RP1: variants seen among roughly 807,000 people sequenced by gnomAD.
RP1 encodes the protein oxygen-regulated protein 1.
Under a neutral mutation model 14.8 loss-of-function variants are expected in RP1, and 16 were observed. That is an observed-to-expected ratio of 1.08 (90% confidence interval 0.73 to 1.65). RP1 has a LOEUF of 1.65. Ranked by LOEUF, RP1 falls within the 40% of genes most tolerant of loss-of-function variation. RP1 has a pLI of 0.00. For synonymous variants in RP1, 876 were observed against 883.6 expected, an observed-to-expected ratio of 0.99 and a Z score of 0.15; for missense variants, 2,631 against 2,535.0, an observed-to-expected ratio of 1.04 and a Z score of -0.81.
intron 22 of RP1, among the ~76,000 whole-genome samples, chr8:54,762,281 G>A (rs1020593694): frequency 2.6e-5 from 4 of 152,132 alleles, no homozygotes; most frequent in Non-Finnish European, 4.4e-5. Context: ...AAAGACCACC[G>A]AGTGCTTGTC....
chr8:54,800,328 G>A (rs1168396455), intron 24 of RP1, among the ~76,000 whole-genome samples: 1 of 151,924 alleles, frequency 6.6e-6, no homozygotes. Context: ...TTGGGGGGGT[G>A]TGTGTATGGG....
At chr8:54,559,448 G>T (rs1430438329) in intron 1 of RP1, 1 of 152,120 alleles carries the variant, frequency 6.6e-6, no homozygotes, top group African/African-American at 2.4e-5. Flanking sequence ...GTGAAAGGTT[G>T]CTTAATGGTA....
At chr8:54,607,530 C>A (rs181483818) in intron 1 of RP1, among the ~76,000 whole-genome samples, 5 of 152,310 alleles carry the variant, frequency 3.3e-5, no homozygotes, top group African/African-American at 1.2e-4. Flanking sequence ...TTTCTCAGAT[C>A]TCCAGTTGCA....
At chr8:54,633,219 A>C (rs530841389), downstream of RP1, among the ~76,000 whole-genome samples, 1 of 152,266 alleles carries the variant, frequency 6.6e-6, no homozygotes, top group South Asian at 2.1e-4. Flanking sequence ...TTTAGTAGCA[A>C]GGAGCAGAAG....
chr8:54,720,385 T>C (rs1808506815), intron 16 of RP1: 1 of 1,247,088 alleles, frequency 8.0e-7, no homozygotes, highest in Non-Finnish European at 1.1e-6. Context: ...TTTCATCACA[T>C]TTTTACTAAG....
downstream of RP1, among the ~76,000 whole-genome samples, chr8:54,773,422 A>C (rs1416466399): frequency 1.3e-5 from 2 of 152,018 alleles, no homozygotes; most frequent in Non-Finnish European, 2.9e-5. Context: ...TGATCACTTG[A>C]GGTCAGGAGT....
At chr8:54,679,944 C>A in intron 12 of RP1, 1 of 1,535,462 alleles carries the variant, frequency 6.5e-7, no homozygotes, top group Non-Finnish European at 8.7e-7. Flanking sequence ...GTAAAACTAT[C>A]GTACAAAGCT....
At chr8:54,781,528 T>C (rs1356159516) in intron 23 of RP1, among the ~76,000 whole-genome samples, 2 of 152,150 alleles carry the variant, frequency 1.3e-5, no homozygotes, top group South Asian at 2.1e-4. Context: ...TTGGCACACA[T>C]ACAAGCAATA....
At chr8:54,845,635 C>T (rs1251513677) in intron 25 of RP1, among the ~76,000 whole-genome samples, 1 of 152,202 alleles carries the variant, frequency 6.6e-6, no homozygotes, top group Non-Finnish European at 1.5e-5. Flanking sequence ...TTCTTTCATG[C>T]TTTATTCAAA....
At chr8:54,831,908 TA>T (rs1402771086) in intron 24 of RP1, among the ~76,000 whole-genome samples, 5 of 151,882 alleles carry the variant, frequency 3.3e-5, no homozygotes, top group Non-Finnish European at 5.9e-5. Context: ...TTTTAAAGAA[TA>T]TTTTTTGCTA....
rs1804814714 is a variant in RP1 at position 54,582,336 on chromosome 8, G to C, written c.-13+23016G>C. Among the ~76,000 whole-genome samples, 7 of 152,024 alleles carry C rather than the reference G, an allele frequency of 4.6e-5. No homozygotes were observed. In the South Asian group the frequency reaches 1.5e-3, roughly 32 times the overall value. On this transcript the variant is annotated intron_variant, in intron 1 of 22. Transcript: ENST00000636932. Reference sequence around the variant, plus strand: ...GTAGATATGCGGCATTATTTCTGAGGGCTCTGTTCTGTTCCATTGGTCTAC... The same window carrying C: ...GTAGATATGCGGCATTATTTCTGAGCGCTCTGTTCTGTTCCATTGGTCTAC...
chr8:54,626,966 G>A lies in RP1; in HGVS notation c.3084G>A (p.Gln1028=), dbSNP rs1397787803. ...VPLHEHCTLS[Q]SAINDHNTKS... ...TGCATGAACACTGTACTTTGTCACA[G>A]TCAGCTATTAATGATCATAATACTA... Residue 1028 remains glutamine, a synonymous_variant, in exon 4 of 4, where the codon CAG becomes CAA. Transcript: ENST00000220676. 8.1e-6 allele frequency: 13 copies of A among 1,613,912 alleles called. No homozygotes were observed. The highest frequency in any genetic ancestry group is 1.3e-5 in the African/African-American group (1 of 75,004).
At chr8:54,719,328 C>T (rs1808481558) in intron 15 of RP1, among the ~76,000 whole-genome samples, 1 of 152,108 alleles carries the variant, frequency 6.6e-6, no homozygotes, top group South Asian at 2.1e-4. Flanking sequence ...ATAGAAATTG[C>T]TTACTTTATA....
chr8:54,621,765 T>G (rs1361958591), intron 2 of RP1, among the ~76,000 whole-genome samples, 184 bp downstream of exon 2: 1 of 152,190 alleles, frequency 6.6e-6, no homozygotes, highest in Non-Finnish European at 1.5e-5. Flanking sequence ...GAATCTCATC[T>G]TTCCCTCATG....
intron 17 of RP1, among the ~76,000 whole-genome samples, chr8:54,729,970 T>C (rs1474035490): frequency 2.0e-5 from 3 of 152,026 alleles, no homozygotes; most frequent in Admixed American, 1.3e-4. Context: ...GAGTGAACTA[T>C]AGTTTTATTT....
chr8:54,754,988 T>C, intron 20 of RP1: 6 of 1,397,226 alleles, frequency 4.3e-6, no homozygotes, highest in Non-Finnish European at 5.6e-6. Flanking sequence ...TGTTTGGTAG[T>C]TGCTTAAATT....
At chr8:54,775,735 T>C (rs544469368) in intron 23 of RP1, among the ~76,000 whole-genome samples, 1 of 152,378 alleles carries the variant, frequency 6.6e-6, no homozygotes, top group African/African-American at 2.4e-5. Flanking sequence ...TAGTTCGTTA[T>C]GCAGGAATAG....
chr8:54,756,795 T>C (rs1809516734), intron 21 of RP1, among the ~76,000 whole-genome samples: 1 of 152,206 alleles, frequency 6.6e-6, no homozygotes, highest in Non-Finnish European at 1.5e-5. Context: ...GCTAGTTGGC[T>C]GCCAGCATGT....
intron 3 of RP1, among the ~76,000 whole-genome samples, chr8:54,647,701 T>A (rs75119500): frequency 3.9e-5 from 6 of 152,090 alleles, no homozygotes; most frequent in African/African-American, 7.2e-5. Flanking sequence ...CTTTTTTTTT[T>A]ATTTTGAGAT....
Sources: allele counts gnomAD v4.1 joint callset (sites outside exome capture counted in the v4.1 genomes callset), GRCh38; gene constraint gnomAD v4.1.1; transcripts MANE v1.5; gene names NCBI Gene and HGNC (gene_info 2026-07-23, HGNC 2026-07-21).